The following HUWE1 variants were observed in gnomAD, a reference collection of about 807,000 sequenced individuals.
The protein encoded by HUWE1 is E3 ubiquitin-protein ligase HUWE1.
In HUWE1, 18 loss-of-function variants were observed where a neutral mutation model predicts 299.4. The observed-to-expected ratio is 0.06, with a 90% confidence interval of 0.04 to 0.09. HUWE1 has a LOEUF of 0.09. Among genes scored for constraint, HUWE1 ranks in the 10% least tolerant of loss-of-function variants. The probability of loss-of-function intolerance (pLI) is 1.00; values close to 1 mark genes in which losing one functional copy is unlikely to be tolerated. For synonymous variants in HUWE1, 1,317 were observed against 1,286.1 expected, an observed-to-expected ratio of 1.02 and a Z score of -0.51; for missense variants, 1,832 against 3,462.3, an observed-to-expected ratio of 0.53 and a Z score of 11.82.
intron 77 of HUWE1, 140 bp downstream of exon 77, chrX:53,538,197 C>T: frequency 1.9e-6 from 1 of 516,539 alleles, no homozygotes; most frequent in Non-Finnish European, 3.5e-6. Context: ...AATGCTACAG[C>T]TGTCTCTTCC....
chrX:53,636,456 G>A (rs1336535539), intron 7 of HUWE1, among the ~76,000 whole-genome samples: 3 of 112,963 alleles, frequency 2.7e-5, no homozygotes, highest in Non-Finnish European at 5.6e-5. Flanking sequence ...GGTGGCTCAT[G>A]CCTGTAATCC....
At chrX:53,565,044 G>A in intron 50 of HUWE1, 23 bp downstream of exon 50, 1 of 1,200,487 alleles carries the variant, frequency 8.3e-7, no homozygotes, top group Non-Finnish European at 1.1e-6. Flanking sequence ...CACCTCTCCA[G>A]TCCATTGGCT....
At chrX:53,671,516 C>T (rs186637311) in intron 3 of HUWE1, among the ~76,000 whole-genome samples, 358 of 111,309 alleles carry the variant, frequency 3.2e-3, no homozygotes, top group African/African-American at 0.011. Flanking sequence ...AGAAGCTGGG[C>T]ACAGTGGCTC....
Position 53,552,292 on chromosome X carries a change from G to A in HUWE1, c.8881+19C>T, listed in dbSNP as rs782473030. The stretch of plus-strand genomic sequence containing the variant: ...AGCCAAAACAATCCCAGGATGACCT[G>A]GGCATACACGGAACTCACCCGCAAG... On this transcript the variant is annotated intron_variant, in intron 63 of 83. Coordinates refer to ENST00000262854, the MANE Select transcript of HUWE1 (RefSeq NM_031407.7). The A allele has an allele frequency of 8.3e-7, 1 of 1,210,177 alleles. No homozygotes were observed. The highest frequency in any genetic ancestry group is 1.1e-6 in the Non-Finnish European group (1 of 894,498).
intron 47 of HUWE1, among the ~76,000 whole-genome samples, chrX:53,572,600 G>A (rs1305354699): frequency 9.0e-6 from 1 of 111,356 alleles, no homozygotes; most frequent in African/African-American, 3.3e-5. Context: ...TTACATATGC[G>A]GGAACATGTG....
At chrX:53,662,767 A>C (rs1385132495) in intron 3 of HUWE1, among the ~76,000 whole-genome samples, 1 of 111,915 alleles carries the variant, frequency 8.9e-6, no homozygotes, top group South Asian at 3.7e-4. Context: ...GGAAAGGAGG[A>C]GGCCCGCAAC....
chrX:53,683,201 T>TCCCC (rs782036664), intron 2 of HUWE1, among the ~76,000 whole-genome samples: 1 of 109,638 alleles, frequency 9.1e-6, no homozygotes, highest in Non-Finnish European at 1.9e-5. Context: ...AAGCTTTGAC[T>TCCCC]CCCCCCTCCC....
At position 53,537,713 on chromosome X, in the gene HUWE1, G is replaced by A. The variant is rs1556914386; in HGVS notation, c.11997-17C>T. 2.5e-6 allele frequency: 3 copies of A among 1,204,335 alleles called. No homozygotes were observed. The highest frequency in any genetic ancestry group is 4.4e-5 in the Admixed American group (2 of 45,371). On this transcript the variant is annotated splice_polypyrimidine_tract_variant and intron_variant, in intron 77 of 83. Transcript: ENST00000262854. ...CGGAAATATCTTGGGAGGTAGAAAA[G>A]GAAGGAAGATAGGATTAAGGGTGGC...
intron 7 of HUWE1, among the ~76,000 whole-genome samples, chrX:53,643,355 C>T (rs782445563): frequency 2.9e-5 from 3 of 103,670 alleles, no homozygotes; most frequent in South Asian, 4.1e-4. Flanking sequence ...CAATCATTTT[C>T]TTTTTTTTTT....
Position 53,631,557 on chromosome X carries a change from T to C in HUWE1, c.693+10A>G, listed in dbSNP as rs1557022782. ...TAAGAAACGAGCCAAGAGTCAAAGA[T>C]TCCTCTTACCTTGTCAAGTTGCTCT... On this transcript the variant is annotated intron_variant, in intron 10 of 83. Transcript: ENST00000262854. The C allele has an allele frequency of 1.7e-6, 2 of 1,194,619 alleles. No homozygotes were observed. The highest frequency in any genetic ancestry group is 2.3e-6 in the Non-Finnish European group (2 of 880,357).
At chrX:53,682,754 A>C (rs1039039452) in intron 2 of HUWE1, among the ~76,000 whole-genome samples, 1 of 111,297 alleles carries the variant, frequency 9.0e-6, no homozygotes, top group African/African-American at 3.3e-5. Context: ...AGAAACTCAG[A>C]GCAAGGCAGG....
chrX:53,570,691 A>AC (rs1556950425), intron 47 of HUWE1, among the ~76,000 whole-genome samples: 1 of 112,698 alleles, frequency 8.9e-6, no homozygotes, highest in African/African-American at 3.2e-5. Context: ...TCCTGCCTAG[A>AC]CAATTCCTTA....
chrX:53,534,271 G>T (rs2060901499), intron 82 of HUWE1, 74 bp from the exon 83 acceptor site: 11 of 940,375 alleles, frequency 1.2e-5, no homozygotes, highest in Non-Finnish European at 1.5e-5. Flanking sequence ...ATGGAATCTA[G>T]GAAACAGGAC....
Position 53,547,853 on chromosome X carries a change from CAGT to C in HUWE1, c.10453_10455del (p.Thr3485del), listed in dbSNP as rs1556924508. ...GTGGTGGTAGATGTGGTTGAGGTGG[CAGT>C]GGTGGTGGAGGAAGCACCGCTGCCA... On this transcript the variant is annotated inframe_deletion, in exon 68 of 84. Coordinates refer to ENST00000262854, the MANE Select transcript of HUWE1 (RefSeq NM_031407.7). 1 of 1,203,129 alleles carries C rather than the reference CAGT, an allele frequency of 8.3e-7. No individual in the cohort carries two copies. The highest frequency in any genetic ancestry group is 1.7e-5 in the African/African-American group (1 of 57,496).
At chrX:53,563,710 AAAGG>A (rs782232359) in intron 52 of HUWE1, 32 bp downstream of exon 52, 1 of 1,197,326 alleles carries the variant, frequency 8.4e-7, no homozygotes, top group South Asian at 1.8e-5. Context: ...AGACTGAGGC[AAAGG>A]AAGAGGCTAT....
Position 53,539,544 on chromosome X carries a change from T to C in HUWE1, c.11632+113A>G, listed in dbSNP as rs2061245830. 5.6e-6 allele frequency: 4 copies of C among 715,826 alleles called. No homozygotes were observed. The African/African-American group carries it at 8.5e-5, about 15-fold the overall frequency. 59.0% of individuals were successfully genotyped at this position (715,826 alleles called of 1,213,427 possible). On this transcript the variant is annotated intron_variant, in intron 75 of 83. Coordinates refer to ENST00000262854, the MANE Select transcript of HUWE1 (RefSeq NM_031407.7). ...AAAACACTTCTCTTTTGAATTCTCA[T>C]TACAGAGACACTGAGGGAGAGGAGT... is the stretch of plus-strand genomic sequence containing the variant.
intron 49 of HUWE1, among the ~76,000 whole-genome samples, chrX:53,565,945 G>C (rs782506131): frequency 5.4e-4 from 58 of 108,100 alleles, no homozygotes; most frequent in African/African-American, 1.9e-3. Flanking sequence ...GGGCTTCCTA[G>C]AGTTCAATAA....
rs2063797916 is a variant in HUWE1, at chrX:53,585,189, CTAAACA to C, written c.4825-7_4825-2del. On this transcript the variant is annotated splice_acceptor_variant and splice_polypyrimidine_tract_variant and intron_variant, in intron 39 of 83. Transcript: ENST00000262854. LOFTEE classifies it high-confidence loss of function. ...AGTTGTTGCTGTTGGATTGCAGGTACTAAACATAAAAGTACAAAGTTTCTTTGTATT... is the reference window on the plus strand; with the variant it reads ...AGTTGTTGCTGTTGGATTGCAGGTACTAAAAGTACAAAGTTTCTTTGTATT... The C allele has an allele frequency of 8.3e-7, 1 of 1,210,577 alleles. No homozygotes were observed. The highest frequency in any genetic ancestry group is 3.0e-5 in the East Asian group (1 of 33,866).
chrX:53,535,337 C>T (rs782314153), intron 81 of HUWE1, 47 bp downstream of exon 81: 1 of 823,977 alleles, frequency 1.2e-6, no homozygotes, highest in Non-Finnish European at 1.8e-6. Flanking sequence ...TCAAGTCCGA[C>T]CTCTTCTCAT....
Sources: allele counts gnomAD v4.1 joint callset (sites outside exome capture counted in the v4.1 genomes callset), GRCh38; gene constraint gnomAD v4.1.1; transcripts MANE v1.5; gene names NCBI Gene and HGNC (gene_info 2026-07-23, HGNC 2026-07-21).